RNF125: variants seen among roughly 807,000 people sequenced by gnomAD.
RNF125 encodes E3 ubiquitin-protein ligase RNF125.
In RNF125, 21 loss-of-function variants were observed where a neutral mutation model predicts 26.0. That is an observed-to-expected ratio of 0.81 (90% CI 0.57 to 1.16). The LOEUF is 1.16. Ranked by LOEUF, RNF125 falls within the 50% of genes most tolerant of loss-of-function variation. The pLI, the probability that RNF125 is intolerant of heterozygous loss-of-function variation, is 0.00. For synonymous variants in RNF125, 95 were observed against 109.2 expected, an observed-to-expected ratio of 0.87 and a Z score of 0.81; for missense variants, 270 against 299.4, an observed-to-expected ratio of 0.90 and a Z score of 0.72.
the RNF125 span, among the ~76,000 whole-genome samples, chr18:32,081,003 T>C: frequency 2.6e-3 from 392 of 152,162 alleles, 2 homozygotes; most frequent in African/African-American, 9.2e-3. Context: ...TGACCCAACA[T>C]GGTGAAACCC....
At chr18:32,065,801 G>A in intron 4 of RNF125, 101 bp from the exon 5 acceptor site, 1 of 784,716 alleles carries the variant, frequency 1.3e-6, no homozygotes, top group Non-Finnish European at 2.2e-6. Flanking sequence ...AAAGTACTGG[G>A]ATTACAGGCG....
At chr18:32,030,713 TAGATAA>T (rs2039084903) in intron 1 of RNF125, among the ~76,000 whole-genome samples, 1 of 152,132 alleles carries the variant, frequency 6.6e-6, no homozygotes, top group African/African-American at 2.4e-5. Context: ...GACTGGGTAA[TAGATAA>T]AGAAAAGAAT....
rs1257246612 is a variant in RNF125 at position 32,068,532 on chromosome 18, T to C, written c.*148T>C. On this transcript the variant is annotated 3_prime_UTR_variant, in exon 6 of 6. Coordinates refer to ENST00000217740, the MANE Select transcript of RNF125 (RefSeq NM_017831.4). ...TCCATGTTTATTGTTATAGTGCATTTAAAAACTGCTTTAATTTTAATGGTT... is the reference window on the plus strand; with the variant it reads ...TCCATGTTTATTGTTATAGTGCATTCAAAAACTGCTTTAATTTTAATGGTT... 1 of 515,386 alleles carries C rather than the reference T, an allele frequency of 1.9e-6. No individual in the cohort carries two copies. Among genetic ancestry groups the C allele is most frequent in the Non-Finnish European group, 3.5e-6 (1 of 286,566 alleles). The allele number at this position is 515,386 out of a possible 1,614,324, so 31.9% of individuals were successfully genotyped here. A position where few individuals can be genotyped will look rare whatever the true frequency, so the allele number is the denominator to read the frequency against.
intron 1 of RNF125, among the ~76,000 whole-genome samples, chr18:32,027,687 A>G (rs2039050399): frequency 6.6e-6 from 1 of 152,190 alleles, no homozygotes; most frequent in African/African-American, 2.4e-5. Flanking sequence ...AATGAACAAA[A>G]TGACTTACAT....
At chr18:32,054,339 C>T (rs1022363075) in intron 4 of RNF125, among the ~76,000 whole-genome samples, 6 of 152,088 alleles carry the variant, frequency 3.9e-5, no homozygotes, top group African/African-American at 7.2e-5. Flanking sequence ...GTGTTCCTCC[C>T]GCTGTGGCCT....
At position 32,072,292 on chromosome 18, in the gene RNF125, A is replaced by C. The variant is rs1397636325; in HGVS notation, c.*3908A>C. The C allele has an allele frequency of 2.0e-5, 3 of 152,222 alleles. No individual in the cohort carries two copies. The highest frequency in any genetic ancestry group is 2.9e-5 in the Non-Finnish European group (2 of 68,040). 9.4% of individuals were successfully genotyped at this position (152,222 alleles called of 1,614,324 possible). On this transcript the variant is annotated 3_prime_UTR_variant, in exon 6 of 6. Transcript: ENST00000217740. ...GAGGAATTTTTCAGGAATAATCATA[A>C]AAAGAAATGATCATCAGACTGAAAG... is the stretch of plus-strand genomic sequence containing the variant.
At chr18:32,056,310 G>A (rs1043370007) in intron 4 of RNF125, among the ~76,000 whole-genome samples, 1 of 151,826 alleles carries the variant, frequency 6.6e-6, no homozygotes, top group Non-Finnish European at 1.5e-5. Flanking sequence ...TGACTCACAT[G>A]AATAAAGAGG....
At chr18:32,052,781 A>G (rs2039341620) in intron 4 of RNF125, among the ~76,000 whole-genome samples, 2 of 152,270 alleles carry the variant, frequency 1.3e-5, no homozygotes, top group South Asian at 4.1e-4. Context: ...ACATGAGTGC[A>G]CTGTTGTCCA....
intron 3 of RNF125, 74 bp downstream of exon 3, chr18:32,042,347 T>C: frequency 1.1e-6 from 1 of 877,850 alleles, no homozygotes; most frequent in South Asian, 1.6e-5. Flanking sequence ...CTGGAAACTT[T>C]AACATTCTTA....
At chr18:32,077,607 C>A (rs1004945879), downstream of RNF125, among the ~76,000 whole-genome samples, 7 of 151,918 alleles carry the variant, frequency 4.6e-5, no homozygotes, top group Admixed American at 1.3e-4. Flanking sequence ...GTGATCCGCC[C>A]ACCTCGGCCT....
chr18:32,021,275 T>C (rs932424127), intron 1 of RNF125, among the ~76,000 whole-genome samples: 1 of 152,126 alleles, frequency 6.6e-6, no homozygotes, highest in Admixed American at 6.6e-5. Context: ...AGAGACGGGG[T>C]TTCACCGTGT....
chr18:32,042,292 T>G lies in RNF125; in HGVS notation c.413+19T>G. The G allele has an allele frequency of 6.9e-7, 1 of 1,441,282 alleles. No individual in the cohort carries two copies. The highest frequency in any genetic ancestry group is 9.7e-7 in the Non-Finnish European group (1 of 1,030,890). 89.3% of individuals were successfully genotyped at this position (1,441,282 alleles called of 1,614,324 possible). ...CAGCAAGGTTTGTTTCAATACAATA[T>G]AGTTTAATGCTAAAATTGATAATGT... On this transcript the variant is annotated intron_variant, in intron 3 of 5. Transcript: ENST00000217740.
At chr18:32,066,969 T>C (rs1216955106) in intron 5 of RNF125, among the ~76,000 whole-genome samples, 1 of 152,124 alleles carries the variant, frequency 6.6e-6, no homozygotes, top group Non-Finnish European at 1.5e-5. Context: ...GAGGTTTCTC[T>C]TGGCCGGGCG....
At chr18:32,084,710 G>A in the RNF125 span, among the ~76,000 whole-genome samples, 1 of 152,148 alleles carries the variant, frequency 6.6e-6, no homozygotes, top group Non-Finnish European at 1.5e-5. Context: ...CACAAGCTGG[G>A]ATTATATTCA....
chr18:32,045,662 A>G lies in RNF125; in HGVS notation c.434A>G (p.Gln145Arg), dbSNP rs778624406. The G allele has an allele frequency of 1.2e-6, 2 of 1,611,294 alleles. No individual in the cohort carries two copies. The highest frequency in any genetic ancestry group is 1.3e-5 in the African/African-American group (1 of 74,354). Residue 145 changes from glutamine (Q) to arginine (R), a missense_variant, in exon 4 of 6, where the codon CAG becomes CGG. Transcript: ENST00000217740. ...TAARCVCPFC[Q>R]RELYEDSLLD... ...TCCAGGTGTGTATGTCCCTTTTGTC[A>G]GAGGGAACTGTATGAAGACAGCTTG...
chr18:32,049,519 C>T (rs1277792657), intron 4 of RNF125, among the ~76,000 whole-genome samples: 4 of 151,828 alleles, frequency 2.6e-5, no homozygotes, highest in African/African-American at 9.7e-5. Flanking sequence ...TAAAATCAGG[C>T]CTAGAGAAGA....
intron 1 of RNF125, among the ~76,000 whole-genome samples, chr18:32,027,939 A>C (rs1406619207): frequency 6.6e-6 from 1 of 152,080 alleles, no homozygotes; most frequent in Non-Finnish European, 1.5e-5. Context: ...GGAAAAAAAA[A>C]CATAAGGGGC....
the RNF125 span, among the ~76,000 whole-genome samples, chr18:32,078,782 CTG>C: frequency 2.8e-4 from 43 of 152,264 alleles, no homozygotes; most frequent in Admixed American, 1.2e-3. Context: ...ATCCTTTTCA[CTG>C]TTTCTAAGGT....
chr18:32,033,795 G>A (rs1248862805), intron 1 of RNF125, among the ~76,000 whole-genome samples: 1 of 151,682 alleles, frequency 6.6e-6, no homozygotes, highest in Non-Finnish European at 1.5e-5. Context: ...CTCCAGCCTG[G>A]GCAACAAGAG....
Sources: allele counts gnomAD v4.1 joint callset (sites outside exome capture counted in the v4.1 genomes callset), GRCh38; gene constraint gnomAD v4.1.1; transcripts MANE v1.5; gene names NCBI Gene and HGNC (gene_info 2026-07-23, HGNC 2026-07-21).